The following ANTXR2 variants were observed in gnomAD, a reference collection of about 807,000 sequenced individuals.
The protein encoded by ANTXR2 is anthrax toxin receptor 2.
Under a neutral mutation model 73.7 loss-of-function variants are expected in ANTXR2, and 44 were observed. The observed-to-expected ratio is 0.60, with a 90% CI of 0.47 to 0.77. The LOEUF (loss-of-function observed/expected upper bound fraction) is 0.77, where lower values mean the gene tolerates loss of function less well. ANTXR2 is among the 30% of genes least tolerant of loss of function. The probability of loss-of-function intolerance (pLI) is 0.00; values close to 1 mark genes in which losing one functional copy is unlikely to be tolerated. For synonymous variants in ANTXR2, 217 were observed against 205.9 expected (o/e 1.05, Z -0.46); for missense variants, 604 against 592.5 (o/e 1.02, Z -0.20).
intron 3 of ANTXR2, among the ~76,000 whole-genome samples, chr4:80,062,753 C>G (rs1041325567): frequency 1.3e-5 from 2 of 152,128 alleles, no homozygotes; most frequent in African/African-American, 4.8e-5. Context: ...AAGGAGAACC[C>G]AGAGAGTGTG....
intron 12 of ANTXR2, among the ~76,000 whole-genome samples, chr4:79,988,568 A>G (rs1014875291): frequency 6.6e-5 from 10 of 152,050 alleles, no homozygotes; most frequent in Non-Finnish European, 1.5e-4. Context: ...TCAACACTCC[A>G]CTGACAGTAT....
chr4:79,915,722 A>T (rs764437737), intron 16 of ANTXR2, among the ~76,000 whole-genome samples: 4 of 151,914 alleles, frequency 2.6e-5, no homozygotes, highest in Non-Finnish European at 4.4e-5. Context: ...CACAATAGCC[A>T]TTTTGAGTAG....
intron 16 of ANTXR2, among the ~76,000 whole-genome samples, chr4:79,933,709 A>C (rs922415677): frequency 0.077 from 2,196 of 28,660 alleles, no homozygotes; most frequent in Admixed American, 0.12. Flanking sequence ...CCCTCCCCCC[A>C]CCCCACAACA....
intron 16 of ANTXR2, among the ~76,000 whole-genome samples, chr4:79,919,712 AC>A (rs1727493182): frequency 1.3e-5 from 2 of 151,496 alleles, no homozygotes; most frequent in Admixed American, 1.3e-4. Context: ...AGGTTTTGGG[AC>A]TTGGGCTGGC....
rs1448112408 is a variant in ANTXR2 at position 79,903,379 on chromosome 4, A to G, written c.*4050T>C. 6.6e-6 allele frequency: 1 copy of G among 152,004 alleles called. No individual in the cohort carries two copies. Among genetic ancestry groups the G allele is most frequent in the African/African-American group, 2.4e-5 (1 of 41,386 alleles). The allele number at this position is 152,004 out of a possible 1,614,324, so 9.4% of individuals were successfully genotyped here. Reference sequence around the variant, plus strand: ...CTCTCTCTCTCTCTCTCTCACACACACACACACAATTTACCTTAATATAGT... The same window carrying G: ...CTCTCTCTCTCTCTCTCTCACACACGCACACACAATTTACCTTAATATAGT... On this transcript the variant is annotated 3_prime_UTR_variant, in exon 17 of 17. Coordinates refer to ENST00000403729, the MANE Select transcript of ANTXR2 (RefSeq NM_058172.6).
chr4:80,055,325 T>C (rs751217866), intron 5 of ANTXR2, 35 bp downstream of exon 5: 2 of 1,575,160 alleles, frequency 1.3e-6, no homozygotes, highest in South Asian at 1.1e-5. Flanking sequence ...CGATGTACAG[T>C]GGGGTGTAGA....
intron 12 of ANTXR2, among the ~76,000 whole-genome samples, chr4:80,005,584 A>G (rs1308393823): frequency 6.6e-6 from 1 of 152,086 alleles, no homozygotes; most frequent in African/African-American, 2.4e-5. Context: ...CTTTTCCACA[A>G]GGTTATTGTC....
At chr4:80,025,476 TAAATA>T (rs1732385308) in intron 10 of ANTXR2, among the ~76,000 whole-genome samples, 1 of 152,170 alleles carries the variant, frequency 6.6e-6, no homozygotes, top group African/African-American at 2.4e-5. Context: ...ATGAAAAAAT[TAAATA>T]AAATTGTGAA....
At chr4:80,070,043 C>T (rs1232604873) in intron 2 of ANTXR2, among the ~76,000 whole-genome samples, 1 of 152,160 alleles carries the variant, frequency 6.6e-6, no homozygotes, top group Admixed American at 6.5e-5. Context: ...TTCTAAGTCT[C>T]AAACATGCTA....
At chr4:79,948,473 A>T (rs937019593) in intron 16 of ANTXR2, among the ~76,000 whole-genome samples, 4 of 152,228 alleles carry the variant, frequency 2.6e-5, no homozygotes, top group African/African-American at 9.6e-5. Flanking sequence ...ACAGAAATTC[A>T]GAAGCACATT....
chr4:80,038,195 G>A (rs138651736), intron 7 of ANTXR2, among the ~76,000 whole-genome samples: 47 of 152,124 alleles, frequency 3.1e-4, no homozygotes, highest in East Asian at 1.3e-3. Flanking sequence ...ACATGCATCC[G>A]GAATGACTTC....
In ANTXR2 at chr4:80,060,931, C is replaced by T. The variant is rs533983039; in HGVS notation, c.297-4918G>A. Among the ~76,000 whole-genome samples the T allele has an allele frequency of 2.0e-5, 3 of 152,210 alleles. No individual in the cohort carries two copies. In the East Asian group the frequency reaches 5.8e-4, roughly 30 times the overall value. Reference sequence around the variant, plus strand: ...CATGCTTCACATGCTGCCAGTTGAGCCACTGGAATGGCTAGAAGCGGAATG... The same window carrying T: ...CATGCTTCACATGCTGCCAGTTGAGTCACTGGAATGGCTAGAAGCGGAATG... On this transcript the variant is annotated intron_variant, in intron 3 of 16. Coordinates refer to ENST00000403729, the MANE Select transcript of ANTXR2 (RefSeq NM_058172.6).
At chr4:79,999,600 A>G (rs1730919212) in intron 12 of ANTXR2, among the ~76,000 whole-genome samples, 1 of 152,228 alleles carries the variant, frequency 6.6e-6, no homozygotes, top group East Asian at 1.9e-4. Context: ...AAGGACCCCA[A>G]TCATATTGAA....
intron 16 of ANTXR2, among the ~76,000 whole-genome samples, chr4:79,946,085 A>T (rs1181833163): frequency 2.0e-5 from 3 of 152,194 alleles, no homozygotes; most frequent in Non-Finnish European, 4.4e-5. Flanking sequence ...TTATTATCTC[A>T]TTTAATCTTC....
chr4:79,989,364 T>G (rs1730355502), intron 12 of ANTXR2, among the ~76,000 whole-genome samples: 1 of 152,000 alleles, frequency 6.6e-6, no homozygotes, highest in Non-Finnish European at 1.5e-5. Flanking sequence ...AATACCTTTA[T>G]GCATACAAAC....
intron 7 of ANTXR2, 71 bp downstream of exon 7, chr4:80,054,201 A>G (rs188987789): frequency 1.0e-4 from 125 of 1,245,302 alleles, no homozygotes; most frequent in East Asian, 2.5e-5. Context: ...ACTGGATATT[A>G]AGATTACTTC....
chr4:80,014,804 A>G (rs1214759890), intron 11 of ANTXR2, among the ~76,000 whole-genome samples: 1 of 152,094 alleles, frequency 6.6e-6, no homozygotes, highest in East Asian at 1.9e-4. Context: ...CCTTGCTCCA[A>G]GTTTTAGCAC....
chr4:79,998,296 A>C (rs73829336), intron 12 of ANTXR2, among the ~76,000 whole-genome samples: 13,889 of 152,090 alleles, frequency 0.091, 736 homozygotes, highest in Middle Eastern at 0.23. Flanking sequence ...AAATGCACTA[A>C]AGAAAAATGA....
At position 80,008,581 on chromosome 4, in the gene ANTXR2, C is replaced by T; in HGVS notation, c.981G>A (p.Val327=). ...AACCGATCCCCAGGAGTAGCAGTAA[C>T]ACCAAAATAACAATGATGGCTGCGA... ...NGIAAIIVIL[V]LLLLLGIGLM... Residue 327 remains valine, a synonymous_variant, in exon 12 of 17, where the codon GTG becomes GTA. Coordinates refer to ENST00000403729, the MANE Select transcript of ANTXR2 (RefSeq NM_058172.6). 4 of 1,606,126 alleles carry T rather than the reference C, an allele frequency of 2.5e-6. No homozygotes were observed. Among genetic ancestry groups the T allele is most frequent in the Non-Finnish European group, 2.5e-6 (3 of 1,177,112 alleles).
Sources: gnomAD v4.1 joint callset for allele counts (sites outside exome capture counted in the v4.1 genomes callset) on GRCh38, gnomAD v4.1.1 for gene constraint, MANE v1.5 for transcripts, NCBI Gene and HGNC (gene_info 2026-07-23, HGNC 2026-07-21) for gene names.